Variants in AJAP1 observed in about 807,000 individuals in gnomAD.
AJAP1 encodes adherens junctions associated protein 1.
A neutral mutation model predicts 35.0 loss-of-function variants in AJAP1; 5 were observed. The observed-to-expected ratio is 0.14, with a 90% CI of 0.07 to 0.30. The LOEUF (loss-of-function observed/expected upper bound fraction) is 0.30. AJAP1 is among the 10% of genes least tolerant of loss of function. The probability of loss-of-function intolerance (pLI) is 1.00; values close to 1 mark genes in which losing one functional copy is unlikely to be tolerated. For synonymous variants in AJAP1, 284 were observed against 249.3 expected (o/e 1.14, Z -1.31); for missense variants, 586 against 571.0 (o/e 1.03, Z -0.27).
chr1:4,778,571 ATC>A (rs141390632), intron 5 of AJAP1, among the ~76,000 whole-genome samples: 3,341 of 142,792 alleles, frequency 0.023, 82 homozygotes, highest in African/African-American at 0.054. Flanking sequence ...GATTGGCGCC[ATC>A]TCTCTCTCTC....
chr1:4,662,969 G>A (rs570664791), intron 1 of AJAP1, among the ~76,000 whole-genome samples: 276 of 152,212 alleles, frequency 1.8e-3, no homozygotes, highest in Non-Finnish European at 2.8e-3. Flanking sequence ...GACCCAAACT[G>A]TGCCTACTCC....
At position 4,755,058 on chromosome 1, in the gene AJAP1, C is replaced by T. The variant is rs1306938188; in HGVS notation, c.830-14795C>T. Among the ~76,000 whole-genome samples, 4 of 152,176 alleles carry T rather than the reference C, an allele frequency of 2.6e-5. 1 individual carries two copies. On this transcript the variant is annotated intron_variant, in intron 2 of 5. Coordinates refer to ENST00000378191, the MANE Select transcript of AJAP1 (RefSeq NM_018836.4). ...AGCACAGGGATTCTCACCATGTGCC[C>T]TCCCTGCAGCCCATGGAGCCGTGGT... is the stretch of plus-strand genomic sequence containing the variant.
intron 2 of AJAP1, among the ~76,000 whole-genome samples, chr1:4,726,766 C>T (rs1039717063): frequency 2.2e-4 from 33 of 152,148 alleles, no homozygotes; most frequent in African/African-American, 7.7e-4. Flanking sequence ...AGAGAAACTG[C>T]AGCCGAGAGC....
At chr1:4,695,034 T>G (rs922509876) in intron 1 of AJAP1, among the ~76,000 whole-genome samples, 5 of 152,152 alleles carry the variant, frequency 3.3e-5, no homozygotes, top group African/African-American at 1.2e-4. Flanking sequence ...GGCTCTACAC[T>G]GGGGGTACTT....
At chr1:4,728,738 G>T (rs1053331799) in intron 2 of AJAP1, among the ~76,000 whole-genome samples, 4 of 152,230 alleles carry the variant, frequency 2.6e-5, no homozygotes, top group African/African-American at 9.6e-5. Context: ...ATCTTGGGCT[G>T]CTGATTGCTG....
intron 1 of AJAP1, among the ~76,000 whole-genome samples, chr1:4,660,936 G>C (rs778177267): frequency 2.6e-5 from 4 of 152,156 alleles, no homozygotes; most frequent in African/African-American, 9.7e-5. Flanking sequence ...GCAGGTTTTC[G>C]GGGTCAGCCC....
chr1:4,668,344 G>A lies in AJAP1; in HGVS notation c.29+12890G>A, dbSNP rs530796317. 3.7e-3 allele frequency among the ~76,000 whole-genome samples: 525 copies of A among 143,810 alleles called. 4 individuals are homozygous for A. Among genetic ancestry groups the A allele is most frequent in the African/African-American group, 0.012 (474 of 40,072 alleles). 94.3% of individuals were successfully genotyped at this position (143,810 alleles called of 152,430 possible). On this transcript the variant is annotated intron_variant, in intron 1 of 5. Transcript: ENST00000378191. ...GTGCTGTGTGTGTGTGTGCGTGTGC[G>A]TGTGTGTGTGTGTGTGTCTGTGGGT...
At chr1:4,733,519 T>C (rs1037891240) in intron 2 of AJAP1, among the ~76,000 whole-genome samples, 1 of 150,318 alleles carries the variant, frequency 6.7e-6, no homozygotes, top group Admixed American at 6.7e-5. Flanking sequence ...CCAAATCAAC[T>C]CAACCCCTGT....
intron 1 of AJAP1, among the ~76,000 whole-genome samples, chr1:4,671,656 G>A (rs1471654541): frequency 6.6e-6 from 1 of 152,086 alleles, no homozygotes; most frequent in Admixed American, 6.6e-5. Context: ...TCCTGTGACT[G>A]CCATATCCCC....
intron 2 of AJAP1, among the ~76,000 whole-genome samples, chr1:4,732,142 C>T (rs1296929192): frequency 1.3e-5 from 2 of 152,252 alleles, no homozygotes; most frequent in African/African-American, 2.4e-5. Context: ...CAGGGAACAG[C>T]TTTCAGCCAG....
intron 1 of AJAP1, among the ~76,000 whole-genome samples, chr1:4,677,633 G>T (rs16839451): frequency 5.9e-5 from 9 of 151,904 alleles, no homozygotes; most frequent in Non-Finnish European, 8.8e-5. Flanking sequence ...GCCATTCAGC[G>T]GGCATAAAGC....
At chr1:4,771,437 T>C (rs1641831025) in intron 3 of AJAP1, among the ~76,000 whole-genome samples, 1 of 152,128 alleles carries the variant, frequency 6.6e-6, no homozygotes. Flanking sequence ...GCCCTGAGCG[T>C]GAAGGGGAAG....
Position 4,665,952 on chromosome 1 carries a change from C to G in AJAP1, c.29+10498C>G, listed in dbSNP as rs569620100. Among the ~76,000 whole-genome samples, 5 of 152,312 alleles carry G rather than the reference C, an allele frequency of 3.3e-5. No homozygotes were observed. The South Asian group carries it at 1.0e-3, about 32-fold the overall frequency. On this transcript the variant is annotated intron_variant, in intron 1 of 5. Transcript: ENST00000378191. ...TTCTCAGAGGATGAGAGGAAGGAAG[C>G]CCATTGGGCCCGAGGAGGAAGGGAC... is the stretch of plus-strand genomic sequence containing the variant.
intron 2 of AJAP1, among the ~76,000 whole-genome samples, chr1:4,739,978 G>T (rs1045243155): frequency 9.9e-5 from 15 of 152,100 alleles, no homozygotes; most frequent in Non-Finnish European, 1.8e-4. Context: ...TCCAGCTCAC[G>T]ACACCTCTCA....
At chr1:4,703,895 G>A (rs933556260) in intron 1 of AJAP1, among the ~76,000 whole-genome samples, 1 of 152,176 alleles carries the variant, frequency 6.6e-6, no homozygotes, top group Non-Finnish European at 1.5e-5. Flanking sequence ...CTGCCTCCCC[G>A]AGCTCCCTGG....
intron 2 of AJAP1, among the ~76,000 whole-genome samples, chr1:4,762,069 A>G (rs1397238288): frequency 6.6e-6 from 1 of 152,218 alleles, no homozygotes; most frequent in African/African-American, 2.4e-5. Context: ...TCCTGAAATT[A>G]TACATAATCT....
intron 2 of AJAP1, among the ~76,000 whole-genome samples, chr1:4,757,652 A>T (rs1000483761): frequency 2.0e-5 from 3 of 152,218 alleles, no homozygotes; most frequent in African/African-American, 7.2e-5. Context: ...TCACAGGTGC[A>T]CTTGCATGAG....
At chr1:4,761,104 C>G (rs1370555935) in intron 2 of AJAP1, among the ~76,000 whole-genome samples, 1 of 152,202 alleles carries the variant, frequency 6.6e-6, no homozygotes, top group Non-Finnish European at 1.5e-5. Flanking sequence ...TTTGGAAAGC[C>G]TTTTAACTCA....
Position 4,693,256 on chromosome 1 carries a change from CAACTG to C in AJAP1, c.30-18642_30-18638del, listed in dbSNP as rs1270346391. On this transcript the variant is annotated intron_variant, in intron 1 of 5. Coordinates refer to ENST00000378191, the MANE Select transcript of AJAP1 (RefSeq NM_018836.4). The surrounding 1 kb of genome is among the most constrained non-coding windows in gnomAD (Gnocchi z 4.4). ...TGGGAACTTTAGACACCAGGCCACT[CAACTG>C]AGGGGAGAAGCAGCCCGTGGTCAGG... 6.6e-6 allele frequency among the ~76,000 whole-genome samples: 1 copy of C among 152,060 alleles called. No homozygotes were observed. Among genetic ancestry groups the C allele is most frequent in the East Asian group, 1.9e-4 (1 of 5,150 alleles).
Sources: gnomAD v4.1 joint callset for allele counts (sites outside exome capture counted in the v4.1 genomes callset) on GRCh38, gnomAD v4.1.1 for gene constraint, Gnocchi (gnomAD v3.1) non-coding constraint, MANE v1.5 for transcripts, NCBI Gene and HGNC (gene_info 2026-07-23, HGNC 2026-07-21) for gene names.